The following MRE11 variants were observed in gnomAD, a reference collection of about 807,000 sequenced individuals.
The protein encoded by MRE11 is double-strand break repair protein MRE11.
MRE11 carries 62 observed loss-of-function variants against 91.7 expected under a neutral mutation model. That is an observed-to-expected ratio of 0.68 (90% CI 0.55 to 0.84). MRE11 has a LOEUF of 0.84. MRE11 is among the 40% of genes least tolerant of loss of function. The pLI is 0.00. For synonymous variants in MRE11, 273 were observed against 271.4 expected, an observed-to-expected ratio of 1.01 and a Z score of -0.06; for missense variants, 796 against 852.9, an observed-to-expected ratio of 0.93 and a Z score of 0.83.
chr11:94,427,774 C>T (rs1591631652), intron 19 of MRE11, among the ~76,000 whole-genome samples: 1 of 150,006 alleles, frequency 6.7e-6, no homozygotes, highest in Admixed American at 6.6e-5. Flanking sequence ...AAATCAAGAA[C>T]AACACAATCC....
intron 3 of MRE11, among the ~76,000 whole-genome samples, chr11:94,487,720 G>A (rs760644859): frequency 6.6e-6 from 1 of 152,122 alleles, no homozygotes; most frequent in Non-Finnish European, 1.5e-5. Flanking sequence ...ACTCTCAAAT[G>A]GTTCAGGAAA....
At chr11:94,478,956 G>A in intron 5 of MRE11, 80 bp from the exon 6 acceptor site, 2 of 1,436,154 alleles carry the variant, frequency 1.4e-6, no homozygotes. Flanking sequence ...CCTGTTAAAA[G>A]CATACTCCAT....
At chr11:94,432,783 G>A (rs529451907) in intron 18 of MRE11, among the ~76,000 whole-genome samples, 2 of 152,338 alleles carry the variant, frequency 1.3e-5, no homozygotes, top group East Asian at 3.9e-4. Context: ...TCCAGCCTGG[G>A]AGACAGAGCG....
At chr11:94,429,803 A>G in intron 19 of MRE11, 108 bp downstream of exon 19, 1 of 925,950 alleles carries the variant, frequency 1.1e-6, no homozygotes, top group Admixed American at 2.2e-5. Context: ...AACATAAAAG[A>G]TGAAGTTATT....
At chr11:94,438,351 C>T (rs1279026886) in intron 16 of MRE11, among the ~76,000 whole-genome samples, 1 of 152,176 alleles carries the variant, frequency 6.6e-6, no homozygotes, top group Non-Finnish European at 1.5e-5. Flanking sequence ...TTCTATCTAA[C>T]CTAAATTTAT....
chr11:94,456,461 AAAAGTAAATCAT>A, intron 13 of MRE11, 123 bp from the exon 14 acceptor site: 1 of 738,356 alleles, frequency 1.4e-6, no homozygotes, highest in South Asian at 1.6e-5. Flanking sequence ...AATGTCTCAC[AAAAGTAAATCAT>A]ATTTTTCCAA....
chr11:94,486,881 C>T (rs568181455), intron 3 of MRE11, among the ~76,000 whole-genome samples: 1 of 152,282 alleles, frequency 6.6e-6, no homozygotes, highest in East Asian at 1.9e-4. Context: ...AAGTCTAACA[C>T]AGGCTTTCAA....
chr11:94,488,686 G>A (rs917018172), intron 3 of MRE11, among the ~76,000 whole-genome samples: 2 of 152,136 alleles, frequency 1.3e-5, no homozygotes, highest in Admixed American at 1.3e-4. Context: ...ATCATCCTTA[G>A]CAAACTAATG....
At chr11:94,506,731 G>A in the MRE11 span, among the ~76,000 whole-genome samples, 2 of 151,834 alleles carry the variant, frequency 1.3e-5, no homozygotes, top group African/African-American at 4.8e-5. Context: ...TAAGACTACA[G>A]TGCAAGCCAC....
intron 4 of MRE11, among the ~76,000 whole-genome samples, chr11:94,483,554 T>C (rs1160342056): frequency 1.3e-5 from 2 of 152,202 alleles, no homozygotes; most frequent in South Asian, 2.1e-4. Context: ...CCATCATCCA[T>C]GTAAGACGTG....
chr11:94,438,283 A>G (rs1347682288), intron 16 of MRE11, among the ~76,000 whole-genome samples: 2 of 152,242 alleles, frequency 1.3e-5, no homozygotes, highest in Non-Finnish European at 2.9e-5. Context: ...AAAACAAACA[A>G]ATACTCAAAA....
At chr11:94,498,430 C>T, upstream of MRE11, 1 of 1,613,770 alleles carries the variant, frequency 6.2e-7, no homozygotes, top group Non-Finnish European at 8.5e-7. Flanking sequence ...GGCTGAAAAA[C>T]AACTTGGAAG....
intron 19 of MRE11, 146 bp downstream of exon 19, chr11:94,429,765 T>C (rs932658354): frequency 4.3e-6 from 3 of 693,264 alleles, no homozygotes; most frequent in South Asian, 1.9e-5. Context: ...GCAATTCCCA[T>C]GTAACAAACC....
At chr11:94,492,479 T>C (rs1316060635) in intron 2 of MRE11, among the ~76,000 whole-genome samples, 2 of 152,326 alleles carry the variant, frequency 1.3e-5, no homozygotes, top group East Asian at 1.9e-4. Context: ...TAAGAATTTG[T>C]CAGGAAAATT....
intron 15 of MRE11, 29 bp from the exon 16 acceptor site, chr11:94,445,922 A>G (rs753630929): frequency 6.7e-7 from 1 of 1,497,604 alleles, no homozygotes; most frequent in South Asian, 1.1e-5. Flanking sequence ...GTCAATGTAC[A>G]AGCCTATCAG....
At chr11:94,483,640 T>G (rs1947065964) in intron 4 of MRE11, 1 of 152,552 alleles carries the variant, frequency 6.6e-6, no homozygotes, top group African/African-American at 2.4e-5. Flanking sequence ...TTAAACCTCT[T>G]TCTTTTGTGA....
At chr11:94,460,872 T>C (rs562157845) in intron 12 of MRE11, 64 bp downstream of exon 12, 6 of 1,309,512 alleles carry the variant, frequency 4.6e-6, no homozygotes, top group South Asian at 2.4e-5. Flanking sequence ...ACTAAACATA[T>C]CCTAAATTAA....
intron 13 of MRE11, 82 bp downstream of exon 13, chr11:94,459,326 T>C: frequency 7.1e-7 from 1 of 1,403,918 alleles, no homozygotes; most frequent in South Asian, 1.2e-5. Context: ...GGTTAAATAG[T>C]GATTTACCAG....
chr11:94,420,828 C>T (rs950301524), intron 19 of MRE11, among the ~76,000 whole-genome samples: 11 of 152,036 alleles, frequency 7.2e-5, no homozygotes, highest in African/African-American at 2.4e-4. Flanking sequence ...GTCAGGAGAT[C>T]GAGACCATCC....
Sources: allele counts gnomAD v4.1 joint callset (sites outside exome capture counted in the v4.1 genomes callset), GRCh38; gene constraint gnomAD v4.1.1; transcripts MANE v1.5; gene names NCBI Gene and HGNC (gene_info 2026-07-23, HGNC 2026-07-21).